Variants in FAM47E observed in about 807,000 individuals in gnomAD.
FAM47E encodes the protein protein FAM47E.
In FAM47E, 32 loss-of-function variants were observed where a neutral mutation model predicts 41.6. The observed-to-expected ratio is 0.77, with a 90% confidence interval of 0.58 to 1.03. The LOEUF is 1.03. Among genes scored for constraint, FAM47E ranks in the 50% least tolerant of loss-of-function variants. FAM47E has a pLI of 0.00. For missense variants in FAM47E, 424 were observed against 485.4 expected (o/e 0.87, Z 1.19); for synonymous variants, 184 against 188.7 (o/e 0.98, Z 0.20).
chr4:76,225,742 T>C (rs1733386555), intron 2 of FAM47E, among the ~76,000 whole-genome samples: 1 of 152,262 alleles, frequency 6.6e-6, no homozygotes, highest in Non-Finnish European at 1.5e-5. Flanking sequence ...GAAACTCACT[T>C]GATCATGGCA....
chr4:76,219,587 G>A (rs1318382117), intron 2 of FAM47E, among the ~76,000 whole-genome samples: 1 of 152,134 alleles, frequency 6.6e-6, no homozygotes, highest in Non-Finnish European at 1.5e-5. Flanking sequence ...AAACGAGAAA[G>A]CCAGGTTTAC....
At chr4:76,219,623 A>AG (rs889436406) in intron 2 of FAM47E, among the ~76,000 whole-genome samples, 1 of 151,918 alleles carries the variant, frequency 6.6e-6, no homozygotes, top group Admixed American at 6.6e-5. Context: ...GAGGGGAGAA[A>AG]GGGGGGATGG....
intron 5 of FAM47E, among the ~76,000 whole-genome samples, chr4:76,274,835 CTCTCTGTGCAGCTTTT>C (rs1735030308): frequency 6.6e-6 from 1 of 152,138 alleles, no homozygotes; most frequent in Non-Finnish European, 1.5e-5. Flanking sequence ...CTGGAGTTCT[CTCTCTGTGCAGCTTTT>C]TCTTTTCTGA....
At position 76,283,413 on chromosome 4, in the gene FAM47E, TA is replaced by T; in HGVS notation, c.1140del (p.Lys380AsnfsTer9). ...AGAATATGTATATCGGGAAGGAATG[TA>T]AACGTGCATGTAATAAGACTCCTAT... ...LENMYIGKEC[K>X]RACNKTPIKR... On this transcript the variant is annotated frameshift_variant, in exon 8 of 8. Transcript: ENST00000424749. LOFTEE classifies it low-confidence loss of function (END_TRUNC). 6.5e-7 allele frequency: 1 copy of T among 1,548,408 alleles called. No homozygotes were observed. The highest frequency in any genetic ancestry group is 8.7e-7 in the Non-Finnish European group (1 of 1,144,128).
chr4:76,217,828 T>G (rs1733240289), intron 2 of FAM47E: 1 of 402,980 alleles, frequency 2.5e-6, no homozygotes, highest in East Asian at 3.5e-5. Flanking sequence ...GAATGATTGC[T>G]GGTGCCTGTT....
At chr4:76,277,355 G>A (rs1735165035) in intron 5 of FAM47E, among the ~76,000 whole-genome samples, 1 of 152,038 alleles carries the variant, frequency 6.6e-6, no homozygotes, top group South Asian at 2.1e-4. Context: ...GCATGGTGGT[G>A]GGCGCCTGTA....
intron 2 of FAM47E, among the ~76,000 whole-genome samples, chr4:76,233,764 C>T (rs1733533757): frequency 6.6e-6 from 1 of 152,144 alleles, no homozygotes; most frequent in South Asian, 2.1e-4. Context: ...AAAGCCCTAT[C>T]AAGCAGTTAC....
At chr4:76,221,867 C>A (rs1733315469) in intron 2 of FAM47E, among the ~76,000 whole-genome samples, 1 of 152,148 alleles carries the variant, frequency 6.6e-6, no homozygotes, top group Non-Finnish European at 1.5e-5. Flanking sequence ...ACCCAGTTTA[C>A]CTGTGTAACA....
intron 2 of FAM47E, among the ~76,000 whole-genome samples, chr4:76,245,853 AC>A (rs1733815607): frequency 6.6e-6 from 1 of 152,116 alleles, no homozygotes; most frequent in Non-Finnish European, 1.5e-5. Flanking sequence ...GCCTGACCGA[AC>A]TAAAGGACCC....
At chr4:76,273,319 C>T (rs1304708902) in intron 5 of FAM47E, among the ~76,000 whole-genome samples, 1 of 152,138 alleles carries the variant, frequency 6.6e-6, no homozygotes, top group Non-Finnish European at 1.5e-5. Context: ...TACTTCAGAC[C>T]GTGGTTGACC....
intron 2 of FAM47E, among the ~76,000 whole-genome samples, chr4:76,225,411 C>A (rs1337913171): frequency 6.6e-6 from 1 of 152,164 alleles, no homozygotes; most frequent in Admixed American, 6.5e-5. Flanking sequence ...CTGGCTGGGA[C>A]TTCTAGTACA....
chr4:76,267,557 A>G (rs1487031107), intron 3 of FAM47E: 2 of 152,256 alleles, frequency 1.3e-5, no homozygotes, highest in African/African-American at 2.4e-5. Context: ...GCAAGAGGCT[A>G]TTGAACACAA....
intron 2 of FAM47E, among the ~76,000 whole-genome samples, chr4:76,244,923 A>G (rs1246098575): frequency 6.6e-6 from 1 of 152,256 alleles, no homozygotes; most frequent in Non-Finnish European, 1.5e-5. Context: ...TATATAAACC[A>G]CATTGTAGTA....
chr4:76,267,312 A>G (rs369792082), intron 3 of FAM47E, among the ~76,000 whole-genome samples: 10 of 152,338 alleles, frequency 6.6e-5, no homozygotes, highest in African/African-American at 2.2e-4. Context: ...AGGCACATGT[A>G]TGTTGAGATA....
Position 76,263,884 on chromosome 4 carries a change from G to C in FAM47E, c.560+41G>C, listed in dbSNP as rs1444342774. ...AACCCTTCGATCATTGCTGTCACCT[G>C]ATGAAACATTCTAGGAATTACCTTC... On this transcript the variant is annotated intron_variant, in intron 3 of 7. Transcript: ENST00000424749. The C allele has an allele frequency of 3.2e-6, 5 of 1,538,956 alleles. No homozygotes were observed. The African/African-American group carries it at 6.9e-5, about 21-fold the overall frequency.
rs185752916 is a variant in FAM47E, at chr4:76,262,226, A to G, written c.421-1478A>G. ...AAAGAGCAGTGCATGTAGAAAATGA[A>G]TATGAACGTATTCTCCAAGGAGAGC... On this transcript the variant is annotated intron_variant, in intron 2 of 7. Coordinates refer to ENST00000424749, the MANE Select transcript of FAM47E (RefSeq NM_001136570.3). 5.3e-5 allele frequency among the ~76,000 whole-genome samples: 8 copies of G among 152,330 alleles called. 1 individual carries two copies. The highest frequency in any genetic ancestry group is 3.3e-4 in the Admixed American group (5 of 15,292).
At chr4:76,223,829 C>T (rs1425116131) in intron 2 of FAM47E, among the ~76,000 whole-genome samples, 1 of 151,224 alleles carries the variant, frequency 6.6e-6, no homozygotes, top group Non-Finnish European at 1.5e-5. Context: ...GGAGAGTGTC[C>T]CTGGCCTGCT....
chr4:76,218,755 A>G (rs1335672033), intron 2 of FAM47E, among the ~76,000 whole-genome samples: 1 of 152,188 alleles, frequency 6.6e-6, no homozygotes, highest in Non-Finnish European at 1.5e-5. Flanking sequence ...ACACAAGCGT[A>G]GTGTTGTCTA....
intron 2 of FAM47E, among the ~76,000 whole-genome samples, chr4:76,226,442 T>C (rs1733400058): frequency 6.6e-6 from 1 of 152,064 alleles, no homozygotes; most frequent in Non-Finnish European, 1.5e-5. Context: ...GGCCAGTGAG[T>C]CTGGACACAT....
Sources: allele counts gnomAD v4.1 joint callset (sites outside exome capture counted in the v4.1 genomes callset), GRCh38; gene constraint gnomAD v4.1.1; transcripts MANE v1.5; gene names NCBI Gene and HGNC (gene_info 2026-07-23, HGNC 2026-07-21).